LRRTM4: variants seen among roughly 807,000 people sequenced by gnomAD.
LRRTM4 encodes leucine rich repeat transmembrane neuronal 4.
LRRTM4 carries 25 observed loss-of-function variants against 47.6 expected under a neutral mutation model. The observed-to-expected ratio is 0.53, with a 90% CI of 0.38 to 0.73. The LOEUF (loss-of-function observed/expected upper bound fraction) is 0.73, where lower values mean the gene tolerates loss of function less well. Among genes scored for constraint, LRRTM4 ranks in the 30% least tolerant of loss-of-function variants. The pLI, the probability that LRRTM4 is intolerant of heterozygous loss-of-function variation, is 0.00. For synonymous variants in LRRTM4, 311 were observed against 269.5 expected (o/e 1.15, Z -1.51); for missense variants, 638 against 713.4 (o/e 0.89, Z 1.20).
At chr2:77,292,772 C>T (rs964939889) in intron 3 of LRRTM4, among the ~76,000 whole-genome samples, 50 of 151,186 alleles carry the variant, frequency 3.3e-4, no homozygotes, top group African/African-American at 1.1e-3. Context: ...GGGTGCAGCA[C>T]ACCAGCATGG....
At chr2:77,119,561 G>GTA (rs1184436654) in intron 3 of LRRTM4, among the ~76,000 whole-genome samples, 1 of 151,746 alleles carries the variant, frequency 6.6e-6, no homozygotes, top group Non-Finnish European at 1.5e-5. Context: ...TGTGCCTACT[G>GTA]TACTACAAAT....
chr2:76,828,373 A>T (rs112757760), intron 3 of LRRTM4, among the ~76,000 whole-genome samples: 434 of 152,074 alleles, frequency 2.9e-3, no homozygotes, highest in African/African-American at 9.7e-3. Context: ...AAGCAATAAT[A>T]TGAAGTGGAA....
At chr2:76,943,212 C>A (rs141020312) in intron 3 of LRRTM4, among the ~76,000 whole-genome samples, 1 of 152,216 alleles carries the variant, frequency 6.6e-6, no homozygotes, top group African/African-American at 2.4e-5. Flanking sequence ...GGGTTCAGAA[C>A]ACCAATATTT....
At chr2:77,288,700 T>C (rs964123733) in intron 3 of LRRTM4, among the ~76,000 whole-genome samples, 4 of 152,066 alleles carry the variant, frequency 2.6e-5, no homozygotes, top group African/African-American at 9.7e-5. Flanking sequence ...GAATCTAATC[T>C]TTAGAAGAAA....
At chr2:76,911,898 C>G (rs889703227) in intron 3 of LRRTM4, among the ~76,000 whole-genome samples, 1 of 134,050 alleles carries the variant, frequency 7.5e-6, no homozygotes, top group African/African-American at 2.8e-5. Context: ...ACCCTACTAA[C>G]ATGAATTACA....
intron 3 of LRRTM4, among the ~76,000 whole-genome samples, chr2:77,242,688 CA>C (rs34106498): frequency 0.44 from 66,238 of 151,728 alleles, 16,912 homozygotes; most frequent in Non-Finnish European, 0.56. Context: ...AAAAGAAAAG[CA>C]AAAAACTAAA....
chr2:77,303,199 T>G (rs1325276854), intron 3 of LRRTM4, among the ~76,000 whole-genome samples: 1 of 152,006 alleles, frequency 6.6e-6, no homozygotes, highest in Non-Finnish European at 1.5e-5. Context: ...AGGCGGAGGT[T>G]GCAGTGAGCC....
intron 3 of LRRTM4, among the ~76,000 whole-genome samples, chr2:77,350,327 C>A: frequency 1.2e-5 from 1 of 80,066 alleles, no homozygotes; most frequent in African/African-American, 5.4e-5. Flanking sequence ...AGCAAGACTC[C>A]GTCTCAAAAA....
chr2:77,074,598 A>G (rs1003125134), intron 3 of LRRTM4, among the ~76,000 whole-genome samples: 2 of 152,134 alleles, frequency 1.3e-5, no homozygotes, highest in African/African-American at 4.8e-5. Flanking sequence ...ATATGTGTAT[A>G]TATCTGGCTG....
intron 3 of LRRTM4, among the ~76,000 whole-genome samples, chr2:77,032,556 T>C (rs928317327): frequency 2.0e-5 from 3 of 152,086 alleles, no homozygotes; most frequent in African/African-American, 7.2e-5. Flanking sequence ...GAATAAATAA[T>C]TGAATAGATG....
chr2:77,088,574 ACT>A (rs1322863475), intron 3 of LRRTM4, among the ~76,000 whole-genome samples: 3 of 151,648 alleles, frequency 2.0e-5, no homozygotes, highest in South Asian at 2.1e-4. Flanking sequence ...CCATTCGCTG[ACT>A]CTCTTTTCGG....
At chr2:77,199,959 A>T (rs2103897252) in intron 3 of LRRTM4, among the ~76,000 whole-genome samples, 1 of 152,172 alleles carries the variant, frequency 6.6e-6, no homozygotes, top group East Asian at 1.9e-4. Flanking sequence ...CTTTTGTTTC[A>T]ACAAAAGTTG....
chr2:76,815,628 T>C (rs866211863), intron 3 of LRRTM4, among the ~76,000 whole-genome samples: 2 of 152,140 alleles, frequency 1.3e-5, no homozygotes, highest in Non-Finnish European at 2.9e-5. Flanking sequence ...ATTTGTATGA[T>C]TGGATTGTTT....
At chr2:77,387,587 C>T (rs1299235449) in intron 3 of LRRTM4, among the ~76,000 whole-genome samples, 2 of 152,080 alleles carry the variant, frequency 1.3e-5, no homozygotes, top group Non-Finnish European at 2.9e-5. Flanking sequence ...AAGGGGAGCC[C>T]ACGTGAACAC....
intron 3 of LRRTM4, among the ~76,000 whole-genome samples, chr2:77,507,636 A>C (rs993129824): frequency 6.6e-6 from 1 of 152,122 alleles, no homozygotes; most frequent in Non-Finnish European, 1.5e-5. Flanking sequence ...CTCAGAAATT[A>C]AAAAAAGGAA....
chr2:77,075,458 A>C (rs553079099), intron 3 of LRRTM4, among the ~76,000 whole-genome samples: 33 of 152,214 alleles, frequency 2.2e-4, no homozygotes, highest in African/African-American at 7.7e-4. Flanking sequence ...GTTTCACAGT[A>C]ATTAGGAGGA....
chr2:76,859,141 A>G (rs1196876321), intron 3 of LRRTM4, among the ~76,000 whole-genome samples: 1 of 152,212 alleles, frequency 6.6e-6, no homozygotes, highest in Admixed American at 6.5e-5. Context: ...AATACCATAA[A>G]GTAGAAAGGA....
intron 3 of LRRTM4, among the ~76,000 whole-genome samples, chr2:76,798,129 C>A (rs924386807): frequency 3.3e-5 from 5 of 152,014 alleles, no homozygotes; most frequent in African/African-American, 1.2e-4. Context: ...CTCTCCACAC[C>A]AAATCAACAC....
intron 3 of LRRTM4, among the ~76,000 whole-genome samples, chr2:77,167,637 T>C (rs1035655749): frequency 6.6e-6 from 1 of 152,210 alleles, no homozygotes; most frequent in Middle Eastern, 3.4e-3. Context: ...AAATGATGAG[T>C]TCATGCCCTT....
Sources: allele counts gnomAD v4.1 joint callset (sites outside exome capture counted in the v4.1 genomes callset), GRCh38; gene constraint gnomAD v4.1.1; transcripts MANE v1.5; gene names NCBI Gene and HGNC (gene_info 2026-07-23, HGNC 2026-07-21).